The following NSMAF variants were observed in gnomAD, a reference collection of about 807,000 sequenced individuals.
The protein encoded by NSMAF is protein FAN.
NSMAF carries 90 observed loss-of-function variants against 134.9 expected under a neutral mutation model. The observed-to-expected ratio is 0.67, with a 90% CI of 0.56 to 0.79. The LOEUF is 0.79. NSMAF is among the 30% of genes least tolerant of loss of function. The pLI is 0.00. For synonymous variants in NSMAF, 358 were observed against 389.6 expected, an observed-to-expected ratio of 0.92 and a Z score of 0.96; for missense variants, 1,010 against 1,119.0, an observed-to-expected ratio of 0.90 and a Z score of 1.39.
rs182228296 is a variant in NSMAF at position 58,656,796 on chromosome 8, C to T, written c.59+2777G>A. 8.6e-4 allele frequency among the ~76,000 whole-genome samples: 130 copies of T among 151,978 alleles called. 1 individual carries two copies. Among genetic ancestry groups the T allele is most frequent in the African/African-American group, 3.0e-3 (124 of 41,446 alleles). On this transcript the variant is annotated intron_variant, in intron 1 of 30. Coordinates refer to ENST00000038176, the MANE Select transcript of NSMAF (RefSeq NM_003580.4). ...AGTGAGCCAAGATCACGCCACTGCACTCCAGCCTGGGCAACAGAGCGAGAC... is the reference window on the plus strand; with the variant it reads ...AGTGAGCCAAGATCACGCCACTGCATTCCAGCCTGGGCAACAGAGCGAGAC...
At chr8:58,643,166 C>G in intron 1 of NSMAF, 93 bp from the exon 2 acceptor site, 1 of 909,584 alleles carries the variant, frequency 1.1e-6, no homozygotes, top group East Asian at 2.5e-5. Context: ...AAAAGCTTTT[C>G]CATTCTTGAA....
At position 58,659,729 on chromosome 8, in the gene NSMAF, G is replaced by A; in HGVS notation, c.-98C>T. 4 of 993,472 alleles carry A rather than the reference G, an allele frequency of 4.0e-6. No homozygotes were observed. The highest frequency in any genetic ancestry group is 5.2e-6 in the Non-Finnish European group (4 of 767,294). 61.5% of individuals were successfully genotyped at this position (993,472 alleles called of 1,614,324 possible). A position where few individuals can be genotyped will look rare whatever the true frequency, so the allele number is the denominator to read the frequency against. On this transcript the variant is annotated 5_prime_UTR_variant, in exon 1 of 31. Coordinates refer to ENST00000038176, the MANE Select transcript of NSMAF (RefSeq NM_003580.4). ...GCCGGGGAGGGCGGGATTGGTGGCC[G>A]GCTGGGGAGCGCGCGGCTGCCGGCC...
At chr8:58,632,639 A>G (rs1259779352) in intron 5 of NSMAF, among the ~76,000 whole-genome samples, 5 of 151,940 alleles carry the variant, frequency 3.3e-5, no homozygotes, top group African/African-American at 9.7e-5. Flanking sequence ...CACTCTGTCC[A>G]CTCTCAGTCC....
intron 9 of NSMAF, among the ~76,000 whole-genome samples, chr8:58,621,199 G>A (rs1195595290): frequency 6.6e-6 from 1 of 152,140 alleles, no homozygotes; most frequent in Non-Finnish European, 1.5e-5. Context: ...AACATGCAGT[G>A]TTAGTTTTCT....
intron 1 of NSMAF, among the ~76,000 whole-genome samples, chr8:58,655,353 C>A (rs1394975318): frequency 6.6e-6 from 1 of 151,786 alleles, no homozygotes; most frequent in African/African-American, 2.4e-5. Context: ...AAAAATTTAA[C>A]AATTTGCCTA....
chr8:58,642,866 AT>A (rs576272768), intron 2 of NSMAF, 117 bp downstream of exon 2: 80 of 738,144 alleles, frequency 1.1e-4, no homozygotes, highest in African/African-American at 7.9e-4. Flanking sequence ...ATTTACTTTA[AT>A]TTTTTTTAAA....
intron 10 of NSMAF, 114 bp downstream of exon 10, chr8:58,609,490 G>T: frequency 1.0e-6 from 1 of 981,668 alleles, no homozygotes; most frequent in Non-Finnish European, 1.6e-6. Context: ...AAGGGGGTGG[G>T]CAGGGACATG....
intron 1 of NSMAF, among the ~76,000 whole-genome samples, chr8:58,649,004 G>C (rs1439477204): frequency 2.6e-5 from 4 of 152,214 alleles, no homozygotes; most frequent in Non-Finnish European, 4.4e-5. Flanking sequence ...AACAATGGTA[G>C]AGCCATCAGC....
chr8:58,612,825 ACT>A (rs961901467), intron 9 of NSMAF, among the ~76,000 whole-genome samples: 9 of 152,020 alleles, frequency 5.9e-5, no homozygotes, highest in African/African-American at 2.2e-4. Context: ...CCCATCATAC[ACT>A]CTGAAACCCT....
At chr8:58,658,795 T>C (rs1456118089) in intron 1 of NSMAF, among the ~76,000 whole-genome samples, 2 of 152,194 alleles carry the variant, frequency 1.3e-5, no homozygotes. Flanking sequence ...AGGTCCAGCA[T>C]ATCTGAAAGG....
chr8:58,591,279 A>G (rs567396753), intron 23 of NSMAF, among the ~76,000 whole-genome samples: 290 of 152,292 alleles, frequency 1.9e-3, no homozygotes, highest in Middle Eastern at 6.8e-3. Flanking sequence ...AGTAACAATG[A>G]AACAGTAATT....
chr8:58,612,357 C>T (rs892668897), intron 9 of NSMAF, among the ~76,000 whole-genome samples: 3 of 152,122 alleles, frequency 2.0e-5, no homozygotes, highest in African/African-American at 7.2e-5. Context: ...ATCTATGTGC[C>T]AGGAGGGTGA....
intron 2 of NSMAF, chr8:58,640,104 T>G: frequency 2.2e-6 from 1 of 455,556 alleles, no homozygotes; most frequent in Non-Finnish European, 4.4e-6. Context: ...GGATAAGTTC[T>G]GCAGATTTAA....
intron 6 of NSMAF, among the ~76,000 whole-genome samples, chr8:58,624,803 G>A (rs1806879115): frequency 6.6e-6 from 1 of 152,272 alleles, no homozygotes; most frequent in Middle Eastern, 3.4e-3. Flanking sequence ...CCTTACTGAT[G>A]TCCTATCTGA....
At chr8:58,609,556 A>G in intron 10 of NSMAF, 48 bp downstream of exon 10, 1 of 1,607,838 alleles carries the variant, frequency 6.2e-7, no homozygotes, top group South Asian at 1.1e-5. Context: ...TGGTCTGGAA[A>G]CAGCTTAAAC....
intron 6 of NSMAF, among the ~76,000 whole-genome samples, chr8:58,630,469 A>T (rs2129145422): frequency 6.6e-6 from 1 of 152,214 alleles, no homozygotes; most frequent in Non-Finnish European, 1.5e-5. Flanking sequence ...GGCTCTCACG[A>T]GAGCCTTTAG....
chr8:58,592,616 G>A (rs1032599286), intron 23 of NSMAF, among the ~76,000 whole-genome samples: 2 of 152,214 alleles, frequency 1.3e-5, no homozygotes, highest in African/African-American at 4.8e-5. Context: ...GGCCGGGCGT[G>A]GTGGCCCATG....
chr8:58,594,395 C>A lies in NSMAF; in HGVS notation c.1893-105G>T, dbSNP rs1202750770. The A allele has an allele frequency of 6.8e-6, 7 of 1,022,554 alleles. No homozygotes were observed. In the African/African-American group the frequency reaches 7.9e-5, roughly 12 times the overall value. The allele number at this position is 1,022,554 out of a possible 1,614,324, so 63.3% of individuals were successfully genotyped here. On this transcript the variant is annotated intron_variant, in intron 22 of 30. Transcript: ENST00000038176. The stretch of plus-strand genomic sequence containing the variant: ...TTTACCAAGTTTCCTTAATTTTTTT[C>A]TTCACAGCATGTCTGCCGGATCTGT...
At chr8:58,585,262 C>G (rs1232698722) in intron 30 of NSMAF, among the ~76,000 whole-genome samples, 1 of 151,306 alleles carries the variant, frequency 6.6e-6, no homozygotes, top group Non-Finnish European at 1.5e-5. Context: ...AGGTAGGAGT[C>G]AGCGGTAGAA....
Sources: allele counts gnomAD v4.1 joint callset (sites outside exome capture counted in the v4.1 genomes callset), GRCh38; gene constraint gnomAD v4.1.1; transcripts MANE v1.5; gene names NCBI Gene and HGNC (gene_info 2026-07-23, HGNC 2026-07-21).